KCNB2: variants seen among roughly 807,000 people sequenced by gnomAD.
KCNB2 encodes the protein delayed rectifier potassium channel protein.
Under a neutral mutation model 61.5 loss-of-function variants are expected in KCNB2, and 15 were observed. The ratio of observed to expected loss-of-function variants is 0.24; its 90% CI spans 0.16 to 0.38. KCNB2 has a LOEUF of 0.38. Ranked by LOEUF, KCNB2 falls within the 10% of genes least tolerant of loss-of-function variation. The pLI is 1.00. For synonymous variants in KCNB2, 457 were observed against 446.0 expected, an observed-to-expected ratio of 1.02 and a Z score of -0.31; for missense variants, 828 against 1,125.2, an observed-to-expected ratio of 0.74 and a Z score of 3.78.
At chr8:72,894,970 G>A (rs1339380650) in intron 2 of KCNB2, among the ~76,000 whole-genome samples, 1 of 152,024 alleles carries the variant, frequency 6.6e-6, no homozygotes, top group Non-Finnish European at 1.5e-5. Flanking sequence ...TTAAGTGCAG[G>A]GACTGAGATC....
At position 72,727,346 on chromosome 8, in the gene KCNB2, T is replaced by C. The variant is rs1388172617; in HGVS notation, c.579+159033T>C. Among the ~76,000 whole-genome samples the C allele has an allele frequency of 7.2e-5, 11 of 152,346 alleles. No homozygotes were observed. The East Asian group carries it at 2.1e-3, about 29-fold the overall frequency. On this transcript the variant is annotated intron_variant, in intron 2 of 2. Coordinates refer to ENST00000523207, the MANE Select transcript of KCNB2 (RefSeq NM_004770.3). ...AAACTCAGAAATAGGGATAAGGGCC[T>C]CATCTTCCCTTCGCTATTGTAGTAA... is the stretch of plus-strand genomic sequence containing the variant.
At chr8:72,852,588 C>A (rs749589581) in intron 2 of KCNB2, among the ~76,000 whole-genome samples, 2 of 152,070 alleles carry the variant, frequency 1.3e-5, no homozygotes. Flanking sequence ...TAGCTGTATT[C>A]GACAGTGGAT....
chr8:72,558,168 A>G (rs1034237677), intron 1 of KCNB2, among the ~76,000 whole-genome samples: 2 of 152,212 alleles, frequency 1.3e-5, no homozygotes, highest in African/African-American at 4.8e-5. Flanking sequence ...CGTCAAGTAG[A>G]TGTTTCCAGG....
chr8:72,561,569 T>G (rs539209503), intron 1 of KCNB2, among the ~76,000 whole-genome samples: 23 of 150,422 alleles, frequency 1.5e-4, no homozygotes, highest in Non-Finnish European at 1.5e-5. Flanking sequence ...TAGAACTTTA[T>G]GTGTTAAAAA....
intron 2 of KCNB2, among the ~76,000 whole-genome samples, chr8:72,725,583 A>ATATG (rs1376208233): frequency 3.6e-5 from 3 of 83,204 alleles, no homozygotes; most frequent in African/African-American, 1.1e-4. Context: ...ATGTATATAT[A>ATATG]TATGTATGTA....
At chr8:72,895,351 G>A (rs1805974201) in intron 2 of KCNB2, among the ~76,000 whole-genome samples, 1 of 152,164 alleles carries the variant, frequency 6.6e-6, no homozygotes, top group Admixed American at 6.5e-5. Flanking sequence ...ATGGAGTTAT[G>A]GAAGAAAGGC....
At chr8:72,841,608 T>C (rs4271007) in intron 2 of KCNB2, among the ~76,000 whole-genome samples, 127,923 of 150,556 alleles carry the variant, frequency 0.85, 55,251 homozygotes, top group Middle Eastern at 0.97. Context: ...TCTTATTTCC[T>C]TGGGCAGTGG....
intron 2 of KCNB2, among the ~76,000 whole-genome samples, chr8:72,791,401 T>C (rs1032368262): frequency 6.6e-6 from 1 of 151,866 alleles, no homozygotes; most frequent in Non-Finnish European, 1.5e-5. Flanking sequence ...AATAAAAAAT[T>C]AGCCAAGCAT....
At chr8:72,597,353 A>G (rs530619515) in intron 2 of KCNB2, among the ~76,000 whole-genome samples, 3 of 152,146 alleles carry the variant, frequency 2.0e-5, no homozygotes, top group African/African-American at 7.2e-5. Context: ...CCTTTTATAA[A>G]TGACAGGATC....
chr8:72,753,782 C>T (rs1458498525), intron 2 of KCNB2, among the ~76,000 whole-genome samples: 6 of 152,156 alleles, frequency 3.9e-5, no homozygotes, highest in Non-Finnish European at 8.8e-5. Context: ...AGAAATTAAT[C>T]CTAGGTATGG....
chr8:72,814,103 G>A (rs555415328), intron 2 of KCNB2, among the ~76,000 whole-genome samples: 1 of 152,128 alleles, frequency 6.6e-6, no homozygotes, highest in African/African-American at 2.4e-5. Flanking sequence ...GAGAACAAGA[G>A]TGCATGCTTT....
chr8:72,708,817 T>A (rs144034269), intron 2 of KCNB2, among the ~76,000 whole-genome samples: 3 of 152,352 alleles, frequency 2.0e-5, no homozygotes, highest in African/African-American at 7.2e-5. Context: ...GGGAGCAATA[T>A]GTTTCCAAAG....
rs59153275 is a variant in KCNB2 at position 72,725,553 on chromosome 8, A to G, written c.579+157240A>G. 7.2e-3 allele frequency among the ~76,000 whole-genome samples: 449 copies of G among 62,246 alleles called. 8 individuals are homozygous for G. The highest frequency in any genetic ancestry group is 0.012 in the Admixed American group (66 of 5,554). 40.8% of individuals were successfully genotyped at this position (62,246 alleles called of 152,430 possible). A position where few individuals can be genotyped will look rare whatever the true frequency, so the allele number is the denominator to read the frequency against. On this transcript the variant is annotated intron_variant, in intron 2 of 2. Coordinates refer to ENST00000523207, the MANE Select transcript of KCNB2 (RefSeq NM_004770.3). ...TATATATATATATGTGTGTATATAT[A>G]TATGTATATATGTATATATATGTAT...
At chr8:72,699,095 A>G (rs1012149889) in intron 2 of KCNB2, among the ~76,000 whole-genome samples, 6 of 152,232 alleles carry the variant, frequency 3.9e-5, no homozygotes, top group African/African-American at 7.2e-5. Flanking sequence ...AAATATTGGC[A>G]TACTATGTAA....
chr8:72,655,862 G>C (rs1046619155), intron 2 of KCNB2, among the ~76,000 whole-genome samples: 2 of 152,094 alleles, frequency 1.3e-5, no homozygotes, highest in Non-Finnish European at 2.9e-5. Context: ...TACAACATGT[G>C]GTTGCTGGGC....
intron 2 of KCNB2, among the ~76,000 whole-genome samples, chr8:72,722,461 C>A (rs905660468): frequency 8.3e-4 from 126 of 152,234 alleles, no homozygotes; most frequent in Non-Finnish European, 1.4e-3. Flanking sequence ...GTGCTCCCCT[C>A]TAGCCCAGAG....
rs1554538995 is a variant in KCNB2 at position 72,851,840 on chromosome 8, A to AAAAAAAAAAAAC, written c.580-84087_580-84086insAAACAAAAAAAA. On this transcript the variant is annotated intron_variant, in intron 2 of 2. Transcript: ENST00000523207. ...AGAAGCTGTAGGAAAAAAAAAAAAAAAAAAAAAACACGTACTGCTGAGTTC... is the reference window on the plus strand; with the variant it reads ...AGAAGCTGTAGGAAAAAAAAAAAAAAAAAAAAAAAAACAAAAAAAACACGTACTGCTGAGTTC... 1.1e-3 allele frequency among the ~76,000 whole-genome samples: 145 copies of AAAAAAAAAAAAC among 134,520 alleles called. 5 individuals are homozygous for AAAAAAAAAAAAC. Among genetic ancestry groups the AAAAAAAAAAAAC allele is most frequent in the African/African-American group, 3.7e-3 (124 of 33,150 alleles). 88.3% of individuals were successfully genotyped at this position (134,520 alleles called of 152,430 possible).
At chr8:72,767,724 A>C (rs745383683) in intron 2 of KCNB2, among the ~76,000 whole-genome samples, 2 of 152,184 alleles carry the variant, frequency 1.3e-5, no homozygotes, top group Non-Finnish European at 2.9e-5. Flanking sequence ...ATGTGTTTTC[A>C]GTTCTCTAGG....
chr8:72,606,975 G>C lies in KCNB2; in HGVS notation c.579+38662G>C, dbSNP rs149637305. Among the ~76,000 whole-genome samples, 317 of 152,306 alleles carry C rather than the reference G, an allele frequency of 2.1e-3. 2 individuals are homozygous for C. Among genetic ancestry groups the C allele is most frequent in the African/African-American group, 7.0e-3 (289 of 41,560 alleles). On this transcript the variant is annotated intron_variant, in intron 2 of 2. Transcript: ENST00000523207. Reference sequence around the variant, plus strand: ...TGAGGGATCAGTGTTGAGGACTGAAGTCAGGATCTATGGCCAAGAGTGCAG... The same window carrying C: ...TGAGGGATCAGTGTTGAGGACTGAACTCAGGATCTATGGCCAAGAGTGCAG...
Sources: allele counts gnomAD v4.1 joint callset (sites outside exome capture counted in the v4.1 genomes callset), GRCh38; gene constraint gnomAD v4.1.1; transcripts MANE v1.5; gene names NCBI Gene and HGNC (gene_info 2026-07-23, HGNC 2026-07-21).